Variants in NFATC2 observed in about 807,000 individuals in gnomAD.
NFATC2 encodes nuclear factor of activated T-cells, cytoplasmic 2.
Under a neutral mutation model 87.3 loss-of-function variants are expected in NFATC2, and 22 were observed. The observed-to-expected ratio is 0.25, with a 90% CI of 0.18 to 0.36. The LOEUF is 0.36. NFATC2 is among the 10% of genes least tolerant of loss of function. NFATC2 has a pLI of 1.00. For synonymous variants in NFATC2, 565 were observed against 542.2 expected, an observed-to-expected ratio of 1.04 and a Z score of -0.58; for missense variants, 1,149 against 1,259.1, an observed-to-expected ratio of 0.91 and a Z score of 1.32.
At chr20:51,532,796 A>G (rs552173720) in intron 1 of NFATC2, among the ~76,000 whole-genome samples, 7 of 152,372 alleles carry the variant, frequency 4.6e-5, no homozygotes, top group African/African-American at 1.7e-4. Context: ...TGACCAAAAT[A>G]GAAACCCAGC....
chr20:51,473,185 T>C (rs889642220), intron 5 of NFATC2, among the ~76,000 whole-genome samples: 5 of 152,194 alleles, frequency 3.3e-5, no homozygotes, highest in African/African-American at 1.2e-4. Flanking sequence ...TCTTCTGCAA[T>C]GATACAACCA....
intron 9 of NFATC2, among the ~76,000 whole-genome samples, chr20:51,409,235 A>T (rs1436540740): frequency 6.6e-6 from 1 of 152,172 alleles, no homozygotes; most frequent in Non-Finnish European, 1.5e-5. Context: ...TTGTCAGTAT[A>T]ACCCTACAGA....
At chr20:51,489,257 G>C (rs2075841629) in intron 3 of NFATC2, among the ~76,000 whole-genome samples, 1 of 152,184 alleles carries the variant, frequency 6.6e-6, no homozygotes, top group Admixed American at 6.5e-5. Context: ...TGGTGAGGGG[G>C]GCCCCTTTGG....
At chr20:51,436,667 A>T (rs1463800552) in intron 6 of NFATC2, among the ~76,000 whole-genome samples, 1 of 152,200 alleles carries the variant, frequency 6.6e-6, no homozygotes. Context: ...GCAAACCAAG[A>T]TTACACCACT....
chr20:51,533,611 G>T (rs2076671388), intron 1 of NFATC2, among the ~76,000 whole-genome samples: 1 of 152,256 alleles, frequency 6.6e-6, no homozygotes, highest in Admixed American at 6.5e-5. Context: ...TGAAGGCGAT[G>T]TCTTTGCTGA....
Position 51,474,084 on chromosome 20 carries a change from A to G in NFATC2, c.1604T>C (p.Ile535Thr). The change falls in exon 5 of 11, where the codon ATT becomes ACT. Residue 535 changes from isoleucine to threonine, a missense_variant. Physicochemically the swap from Ile to Thr is moderately conservative, Grantham distance 89. This residue lies in a region of NFATC2 where 581 missense variants were observed against 649.7 expected (regional missense o/e 0.89). Transcript: ENST00000371564. ...DIELRKGETD[I>T]GRKNTRVRLV... ...TCTCACCCGCGTGTTCTTTCTTCCA[A>G]TGTCCGTCTCGCCTTTCCGCAGCTC... is the stretch of plus-strand genomic sequence containing the variant. The G allele has an allele frequency of 6.2e-7, 1 of 1,614,168 alleles. No individual in the cohort carries two copies.
chr20:51,461,773 G>A (rs920872169), intron 5 of NFATC2, among the ~76,000 whole-genome samples: 11 of 152,224 alleles, frequency 7.2e-5, no homozygotes, highest in Non-Finnish European at 2.9e-5. Flanking sequence ...AACCTCAGGA[G>A]AGACTGGTTA....
At chr20:51,473,169 C>G (rs530867420) in intron 5 of NFATC2, among the ~76,000 whole-genome samples, 14 of 152,082 alleles carry the variant, frequency 9.2e-5, no homozygotes, top group Non-Finnish European at 1.9e-4. Flanking sequence ...TATCAGACTC[C>G]GAAAATCTTC....
intron 5 of NFATC2, 137 bp downstream of exon 5, chr20:51,473,843 G>A (rs1988459255): frequency 1.3e-6 from 1 of 791,016 alleles, no homozygotes; most frequent in Non-Finnish European, 2.0e-6. Flanking sequence ...TGGTCATCTT[G>A]GGCCAGTGTA....
At chr20:51,555,461 C>T (rs531339398) in intron 1 of NFATC2, among the ~76,000 whole-genome samples, 65 of 151,996 alleles carry the variant, frequency 4.3e-4, no homozygotes, top group Non-Finnish European at 5.9e-4. Context: ...GGTGTGGTGG[C>T]GGGCGCCTGT....
In NFATC2 at chr20:51,501,476, G is replaced by A. The variant is rs141674519; in HGVS notation, c.1332+15308C>T. On this transcript the variant is annotated intron_variant, in intron 3 of 10. Coordinates refer to ENST00000371564, the MANE Select transcript of NFATC2 (RefSeq NM_012340.5). Reference sequence around the variant, plus strand: ...AACCTCTGTACTGATGCTCAAGGTGGACACCAAGCAAGCTTCTGCCTCAGG... The same window carrying A: ...AACCTCTGTACTGATGCTCAAGGTGAACACCAAGCAAGCTTCTGCCTCAGG... Among the ~76,000 whole-genome samples the A allele has an allele frequency of 2.5e-3, 377 of 152,316 alleles. 2 individuals are homozygous for A. Among genetic ancestry groups the A allele is most frequent in the African/African-American group, 7.5e-3 (310 of 41,554 alleles).
At chr20:51,414,795 C>T (rs1235773713) in intron 9 of NFATC2, among the ~76,000 whole-genome samples, 1 of 152,166 alleles carries the variant, frequency 6.6e-6, no homozygotes, top group Non-Finnish European at 1.5e-5. Flanking sequence ...CAGTCATCCT[C>T]CCCTCACAGC....
At chr20:51,407,714 C>T (rs527696025) in intron 9 of NFATC2, among the ~76,000 whole-genome samples, 1 of 152,334 alleles carries the variant, frequency 6.6e-6, no homozygotes, top group East Asian at 1.9e-4. Flanking sequence ...GGCACCCAGC[C>T]GCGTGCCTGG....
rs770500065 is a variant in NFATC2 at position 51,523,032 on chromosome 20, T to C, written c.1160+49A>G. 3.1e-6 allele frequency: 5 copies of C among 1,607,870 alleles called. No individual in the cohort carries two copies. The Admixed American group carries it at 5.0e-5, about 16-fold the overall frequency. On this transcript the variant is annotated intron_variant, in intron 2 of 10. Transcript: ENST00000371564. The surrounding 1 kb of genome is among the most constrained non-coding windows in gnomAD (Gnocchi z 6.9). Reference sequence around the variant, plus strand: ...TCCCATGCTCATAACCAGAAAACCATCTCTTAAAACTAAACCACAGAATCA... The same window carrying C: ...TCCCATGCTCATAACCAGAAAACCACCTCTTAAAACTAAACCACAGAATCA...
At chr20:51,522,641 CTTATAATGAG>C (rs961080578) in intron 2 of NFATC2, among the ~76,000 whole-genome samples, 8 of 151,638 alleles carry the variant, frequency 5.3e-5, no homozygotes, top group African/African-American at 1.9e-4. Flanking sequence ...ATCACTTCCT[CTTATAATGAG>C]ATAGATTTTA....
Position 51,415,639 on chromosome 20 carries a change from G to T in NFATC2, c.2722+16428C>A, listed in dbSNP as rs185036731. ...GCACACCTCTAAAGATACATTTCTA[G>T]AAGTGGGATATTCTGGATTAAAAGA... On this transcript the variant is annotated intron_variant, in intron 9 of 10. Coordinates refer to ENST00000371564, the MANE Select transcript of NFATC2 (RefSeq NM_012340.5). 2.7e-3 allele frequency among the ~76,000 whole-genome samples: 405 copies of T among 152,316 alleles called. 1 individual carries two copies. Among genetic ancestry groups the T allele is most frequent in the South Asian group, 7.7e-3 (37 of 4,826 alleles).
At chr20:51,439,711 C>A (rs1265343628) in intron 6 of NFATC2, among the ~76,000 whole-genome samples, 1 of 152,228 alleles carries the variant, frequency 6.6e-6, no homozygotes, top group Non-Finnish European at 1.5e-5. Flanking sequence ...GCGGCCACAA[C>A]CAACTTCTGT....
chr20:51,438,962 G>T (rs995724416), intron 6 of NFATC2, among the ~76,000 whole-genome samples: 1 of 152,224 alleles, frequency 6.6e-6, no homozygotes, highest in Non-Finnish European at 1.5e-5. Flanking sequence ...GTTGTTACAC[G>T]AGAGAAACTT....
chr20:51,494,055 G>A (rs895956713), intron 3 of NFATC2, among the ~76,000 whole-genome samples: 2 of 152,088 alleles, frequency 1.3e-5, no homozygotes, highest in African/African-American at 2.4e-5. Flanking sequence ...CTCAGTGAGC[G>A]TCAACAGTTA....
Sources: allele counts gnomAD v4.1 joint callset (sites outside exome capture counted in the v4.1 genomes callset), GRCh38; gene constraint gnomAD v4.1.1; regional missense constraint gnomAD v4.1.1; non-coding constraint Gnocchi (gnomAD v3.1); transcripts MANE v1.5; gene names NCBI Gene and HGNC (gene_info 2026-07-23, HGNC 2026-07-21).